CHMP7: variants seen among roughly 807,000 people sequenced by gnomAD.
The protein encoded by CHMP7 is CHMP family, member 7.
CHMP7 carries 15 observed loss-of-function variants against 53.7 expected under a neutral mutation model. The observed-to-expected ratio is 0.28, with a 90% CI of 0.19 to 0.43. The LOEUF is 0.43. Ranked by LOEUF, CHMP7 falls within the 20% of genes least tolerant of loss-of-function variation. CHMP7 has a pLI of 1.00. For synonymous variants in CHMP7, 261 were observed against 228.0 expected, an observed-to-expected ratio of 1.14 and a Z score of -1.30; for missense variants, 527 against 569.4, an observed-to-expected ratio of 0.93 and a Z score of 0.76.
At chr8:23,257,503 G>A (rs1311155285) in intron 5 of CHMP7, among the ~76,000 whole-genome samples, 1 of 152,236 alleles carries the variant, frequency 6.6e-6, no homozygotes, top group African/African-American at 2.4e-5. Context: ...GCCAGGCATT[G>A]TCTTAGGGAC....
chr8:23,256,551 TTC>T lies in CHMP7; in HGVS notation c.754_755del (p.Ser252ThrfsTer14), dbSNP rs1258826471. On this transcript the variant is annotated frameshift_variant, in exon 5 of 11. Transcript: ENST00000397677. LOFTEE classifies it high-confidence loss of function. Reference sequence around the variant, plus strand: ...TACCAGCTGATGCAGAGTGAACAGCTTCTCTCACGCAAAGTGGAGTCCTTATC... The same window carrying T: ...TACCAGCTGATGCAGAGTGAACAGCTTCTCACGCAAAGTGGAGTCCTTATC... 7 of 1,613,920 alleles carry T rather than the reference TTC, an allele frequency of 4.3e-6. No individual in the cohort carries two copies. The highest frequency in any genetic ancestry group is 5.9e-6 in the Non-Finnish European group (7 of 1,179,908).
intron 1 of CHMP7, among the ~76,000 whole-genome samples, chr8:23,244,853 A>G (rs148669399): frequency 5.2e-4 from 79 of 152,330 alleles, no homozygotes; most frequent in African/African-American, 1.9e-3. Context: ...GAATTTGTAC[A>G]TACCGTGTTA....
chr8:23,255,082 A>C (rs975662441), intron 3 of CHMP7, 165 bp from the exon 4 acceptor site: 2 of 682,650 alleles, frequency 2.9e-6, no homozygotes, highest in African/African-American at 1.8e-5. Context: ...AGGCTTAAAA[A>C]CACAGATCCT....
At chr8:23,255,706 C>T (rs539348984) in intron 4 of CHMP7, among the ~76,000 whole-genome samples, 47 of 151,934 alleles carry the variant, frequency 3.1e-4, no homozygotes, top group East Asian at 1.2e-3. Context: ...ACTTAGGAGT[C>T]GTCTCAGTGA....
At position 23,249,398 on chromosome 8, in the gene CHMP7, G is replaced by A; in HGVS notation, c.471+17G>A. On this transcript the variant is annotated intron_variant, in intron 3 of 10. Transcript: ENST00000397677. ...CTGTTGAAGGTGGGTACTCAGAAGG[G>A]GGTGTCTGGGTGTCACCTGGTGTGA... 1 of 1,571,252 alleles carries A rather than the reference G, an allele frequency of 6.4e-7. No homozygotes were observed.
In CHMP7 at chr8:23,261,307, C is replaced by A. The variant is rs1264845866; in HGVS notation, c.*708C>A. ...AGGTCCGCCGGTGGGGGAAAGGCTT[C>A]TTCCGAGGCTTCTGCACTCGCCTGG... On this transcript the variant is annotated 3_prime_UTR_variant, in exon 11 of 11. Transcript: ENST00000397677. The A allele has an allele frequency of 6.6e-6, 1 of 152,652 alleles. No individual in the cohort carries two copies. The highest frequency in any genetic ancestry group is 1.5e-5 in the Non-Finnish European group (1 of 68,460). The allele number at this position is 152,652 out of a possible 1,614,324, so 9.5% of individuals were successfully genotyped here.
chr8:23,247,564 C>G (rs530433594), intron 2 of CHMP7, among the ~76,000 whole-genome samples: 2 of 152,132 alleles, frequency 1.3e-5, no homozygotes, highest in Non-Finnish European at 2.9e-5. Context: ...GTAGGAGATA[C>G]GTGTGCGACA....
chr8:23,259,244 C>G (rs1802279951), intron 9 of CHMP7, 118 bp downstream of exon 9: 1 of 528,240 alleles, frequency 1.9e-6, no homozygotes, highest in East Asian at 3.4e-5. Context: ...TCTCGGCTCA[C>G]TGCAAGCTCC....
chr8:23,253,408 C>G (rs996969175), intron 3 of CHMP7, among the ~76,000 whole-genome samples: 1 of 152,224 alleles, frequency 6.6e-6, no homozygotes, highest in Non-Finnish European at 1.5e-5. Context: ...CTCAGCCTCT[C>G]AAGTAGCTGG....
chr8:23,251,760 G>A (rs142043602), intron 3 of CHMP7, among the ~76,000 whole-genome samples: 3 of 152,172 alleles, frequency 2.0e-5, no homozygotes, highest in African/African-American at 4.8e-5. Flanking sequence ...ATAATCTATC[G>A]ATATGCCACA....
chr8:23,246,590 G>A lies in CHMP7; in HGVS notation c.-106G>A, dbSNP rs114517772. ...TTCACGCTCAGGGCGGCGGTGACGTGTGAACGAGAAGGAGGTGGTCAAGGA... is the reference window on the plus strand; with the variant it reads ...TTCACGCTCAGGGCGGCGGTGACGTATGAACGAGAAGGAGGTGGTCAAGGA... On this transcript the variant is annotated 5_prime_UTR_variant, in exon 2 of 11. It adds an upstream start codon to the 5' untranslated region. Transcript: ENST00000397677. 1,618 of 940,440 alleles carry A rather than the reference G, an allele frequency of 1.7e-3. 25 individuals are homozygous for A. The African/African-American group carries it at 0.023, about 14-fold the overall frequency. The allele number at this position is 940,440 out of a possible 1,614,324, so 58.3% of individuals were successfully genotyped here.
intron 8 of CHMP7, 36 bp downstream of exon 8, chr8:23,258,866 G>T: frequency 1.4e-6 from 2 of 1,421,998 alleles, no homozygotes; most frequent in Non-Finnish European, 2.0e-6. Flanking sequence ...ACACAGAGAA[G>T]GAGGTGACAG....
intron 4 of CHMP7, among the ~76,000 whole-genome samples, 176 bp downstream of exon 4, chr8:23,255,608 T>C (rs956548726): frequency 6.6e-6 from 1 of 152,166 alleles, no homozygotes; most frequent in African/African-American, 2.4e-5. Flanking sequence ...ATTTCAGTTG[T>C]GCACTGTTCT....
chr8:23,256,627 A>G (rs764369497), intron 5 of CHMP7, 34 bp downstream of exon 5: 2 of 1,595,872 alleles, frequency 1.3e-6, no homozygotes, highest in Admixed American at 1.7e-5. Flanking sequence ...CCTCCTCCCC[A>G]CTGTTGCTGG....
intron 3 of CHMP7, among the ~76,000 whole-genome samples, chr8:23,251,503 A>G (rs1801928149): frequency 6.6e-6 from 1 of 152,182 alleles, no homozygotes; most frequent in Non-Finnish European, 1.5e-5. Flanking sequence ...CTTTCCTACT[A>G]GAAGGGAACA....
intron 7 of CHMP7, 88 bp downstream of exon 7, chr8:23,258,537 C>T: frequency 6.4e-7 from 1 of 1,559,412 alleles, no homozygotes; most frequent in Non-Finnish European, 8.8e-7. Flanking sequence ...TTGGAGGATC[C>T]CTGGGTTCTT....
chr8:23,256,409 A>T (rs775005598), intron 4 of CHMP7, 51 bp from the exon 5 acceptor site: 1 of 1,437,840 alleles, frequency 7.0e-7, no homozygotes, highest in Non-Finnish European at 9.8e-7. Context: ...CTGGTTGGGA[A>T]TTTCTCAGCC....
chr8:23,246,741 C>T lies in CHMP7; in HGVS notation c.46C>T (p.Pro16Ser), dbSNP rs759678274. 5 of 1,551,916 alleles carry T rather than the reference C, an allele frequency of 3.2e-6. No individual in the cohort carries two copies. The highest frequency in any genetic ancestry group is 4.4e-6 in the Non-Finnish European group (5 of 1,148,066). ...REAEAPAGGD[P>S]AGLLPPEWEE... ...GGCCGAGGCCCCAGCCGGGGGAGACCCGGCGGGCCTTCTGCCCCCCGAGTG... is the reference window on the plus strand; with the variant it reads ...GGCCGAGGCCCCAGCCGGGGGAGACTCGGCGGGCCTTCTGCCCCCCGAGTG... The change falls in exon 2 of 11, where the codon CCG (proline) becomes TCG (serine). Residue 16 changes from proline (P) to serine (S), a missense_variant. Transcript: ENST00000397677.
intron 2 of CHMP7, among the ~76,000 whole-genome samples, chr8:23,247,276 T>G (rs1585302568): frequency 6.6e-6 from 1 of 152,102 alleles, no homozygotes; most frequent in South Asian, 2.1e-4. Flanking sequence ...TGACAGTAAT[T>G]TGCCTGGACT....
Sources: allele counts gnomAD v4.1 joint callset (sites outside exome capture counted in the v4.1 genomes callset), GRCh38; gene constraint gnomAD v4.1.1; transcripts MANE v1.5; gene names NCBI Gene and HGNC (gene_info 2026-07-23, HGNC 2026-07-21).